GPN3: variants seen among roughly 807,000 people sequenced by gnomAD.
The protein encoded by GPN3 is ATP-binding domain 1 family member C.
Under a neutral mutation model 38.7 loss-of-function variants are expected in GPN3, and 31 were observed. That is an observed-to-expected ratio of 0.80 (90% confidence interval 0.60 to 1.08). GPN3 has a LOEUF of 1.08. Among genes scored for constraint, GPN3 ranks in the 50% least tolerant of loss-of-function variants. The pLI, the probability that GPN3 is intolerant of heterozygous loss-of-function variation, is 0.00. For missense variants in GPN3, 301 were observed against 354.4 expected (o/e 0.85, Z 1.21); for synonymous variants, 116 against 120.2 (o/e 0.96, Z 0.23).
intron 3 of GPN3, 108 bp from the exon 4 acceptor site, chr12:110,457,742 A>AT (rs2062560749): frequency 1.5e-6 from 1 of 688,152 alleles, no homozygotes; most frequent in South Asian, 2.4e-5. Flanking sequence ...AAGCCAACAC[A>AT]TTTTTAAGGG....
At chr12:110,453,909 G>A in intron 6 of GPN3, 38 bp from the exon 7 acceptor site, 2 of 1,547,058 alleles carry the variant, frequency 1.3e-6, no homozygotes, top group Non-Finnish European at 1.8e-6. Flanking sequence ...TCATTCTGAA[G>A]TTGTGCAAAA....
At chr12:110,461,517 T>C (rs2062590195) in intron 2 of GPN3, among the ~76,000 whole-genome samples, 1 of 152,020 alleles carries the variant, frequency 6.6e-6, no homozygotes, top group Non-Finnish European at 1.5e-5. Flanking sequence ...GGAGAATCAC[T>C]TGAACCCAGG....
rs2062567839 is a variant in GPN3 at position 110,458,895 on chromosome 12, C to T, written c.325+800G>A. ...GACAATTGCCTCTTTGTTTATTATG[C>T]TCCAGCCACACTGGCCTTTTCAGTG... On this transcript the variant is annotated intron_variant, in intron 3 of 7. Transcript: ENST00000228827. This position sits in a 1 kb window ranked among gnomAD's most constrained non-coding sequence, Gnocchi z 4.4. 6.6e-6 allele frequency among the ~76,000 whole-genome samples: 1 copy of T among 152,152 alleles called. No individual in the cohort carries two copies. The highest frequency in any genetic ancestry group is 6.6e-5 in the Admixed American group (1 of 15,266).
chr12:110,454,045 C>T (rs1279593552), intron 6 of GPN3, among the ~76,000 whole-genome samples, 174 bp from the exon 7 acceptor site: 1 of 152,190 alleles, frequency 6.6e-6, no homozygotes. Flanking sequence ...ATTGATTTTT[C>T]TGACTTCTGA....
At chr12:110,467,429 T>G (rs1428887839) in intron 1 of GPN3, among the ~76,000 whole-genome samples, 2 of 152,204 alleles carry the variant, frequency 1.3e-5, no homozygotes, top group Non-Finnish European at 2.9e-5. Flanking sequence ...ATATTTGACA[T>G]AACGTGAAAT....
chr12:110,465,720 T>C (rs1592968424), intron 1 of GPN3, among the ~76,000 whole-genome samples: 1 of 152,322 alleles, frequency 6.6e-6, no homozygotes, highest in South Asian at 2.1e-4. Flanking sequence ...TGGAGGTGGC[T>C]ATCAGTTTGT....
At chr12:110,468,403 G>C (rs76781855), upstream of GPN3, 3,839 of 1,529,630 alleles carry the variant, frequency 2.5e-3, 126 homozygotes, top group East Asian at 0.071. Context: ...GGGCGAGGGA[G>C]AGGATTTGCG....
chr12:110,455,810 C>A lies in GPN3; in HGVS notation c.566+5G>T, dbSNP rs776539365. 7 of 1,369,298 alleles carry A rather than the reference C, an allele frequency of 5.1e-6. No homozygotes were observed. The highest frequency in any genetic ancestry group is 7.3e-6 in the Non-Finnish European group (7 of 956,504). 84.8% of individuals were successfully genotyped at this position (1,369,298 alleles called of 1,614,324 possible). On this transcript the variant is annotated splice_donor_5th_base_variant and intron_variant, in intron 5 of 7. Transcript: ENST00000228827. Reference sequence around the variant, plus strand: ...CTGATAATAATGGAAGAACAGTGAACTCACTTCTCAATTTCCTTTTTTGCT... The same window carrying A: ...CTGATAATAATGGAAGAACAGTGAAATCACTTCTCAATTTCCTTTTTTGCT...
Position 110,468,160 on chromosome 12 carries a change from C to T in GPN3, c.44G>A (p.Gly15Glu), listed in dbSNP as rs1340332474. ...AQLVMGPAGS[G>E]KSTYCATMVQ... The stretch of plus-strand genomic sequence containing the variant: ...CTTGTCCCCGCAGATCCTCACCTTC[C>T]CGCTGCCCGCGGGGCCCATGACCAG... Residue 15 changes from glycine to glutamate, a missense_variant, in exon 1 of 8, where the codon GGG becomes GAG. Coordinates refer to ENST00000228827, the MANE Select transcript of GPN3 (RefSeq NM_016301.4). 1 of 1,613,694 alleles carries T rather than the reference C, an allele frequency of 6.2e-7. No individual in the cohort carries two copies. Among genetic ancestry groups the T allele is most frequent in the East Asian group, 2.2e-5 (1 of 44,882 alleles).
At chr12:110,459,926 A>G in intron 2 of GPN3, 64 bp from the exon 3 acceptor site, 1 of 1,311,522 alleles carries the variant, frequency 7.6e-7, no homozygotes, top group Admixed American at 2.1e-5. Context: ...CCTTACTAGA[A>G]ATAGAACATA....
In GPN3 at chr12:110,463,180, G is replaced by C. The variant is rs558116425; in HGVS notation, c.157+1926C>G. ...CATGCCTATTATCCCAGCACTTTCG[G>C]AAGTCAAGCTGGGTGAGTCACTTGA... On this transcript the variant is annotated intron_variant, in intron 2 of 7. Transcript: ENST00000228827. Among the ~76,000 whole-genome samples, 52 of 152,188 alleles carry C rather than the reference G, an allele frequency of 3.4e-4. No homozygotes were observed. In the South Asian group the frequency reaches 0.01, roughly 30 times the overall value.
At chr12:110,455,064 T>TC (rs1425939969) in intron 6 of GPN3, among the ~76,000 whole-genome samples, 1 of 151,200 alleles carries the variant, frequency 6.6e-6, no homozygotes, top group Non-Finnish European at 1.5e-5. Context: ...CCTCAGGTGA[T>TC]CCACCCACCT....
chr12:110,453,322 C>T (rs2062526684), intron 7 of GPN3, among the ~76,000 whole-genome samples: 1 of 152,096 alleles, frequency 6.6e-6, no homozygotes, highest in Non-Finnish European at 1.5e-5. Flanking sequence ...AAGCATTTCT[C>T]ATTTGAATTT....
chr12:110,468,109 C>T (rs765354813), intron 1 of GPN3, 47 bp downstream of exon 1: 24 of 1,613,960 alleles, frequency 1.5e-5, no homozygotes, highest in Non-Finnish European at 2.0e-5. Flanking sequence ...AATCTCCCGC[C>T]TTCCACGAAC....
intron 2 of GPN3, among the ~76,000 whole-genome samples, chr12:110,463,061 G>A (rs533375079): frequency 5.3e-4 from 81 of 152,246 alleles, no homozygotes; most frequent in African/African-American, 1.9e-3. Context: ...CAGCCATGCA[G>A]GTTGTACTTC....
upstream of GPN3, chr12:110,468,337 C>T: frequency 2.6e-6 from 4 of 1,545,390 alleles, no homozygotes; most frequent in South Asian, 4.7e-5. Flanking sequence ...CCTCCTACTA[C>T]GGGGCAGCCC....
At chr12:110,468,619 T>G, upstream of GPN3, 1 of 1,537,196 alleles carries the variant, frequency 6.5e-7, no homozygotes, top group Non-Finnish European at 8.7e-7. Flanking sequence ...GGAAGGCACC[T>G]CTTGTTTTGG....
intron 1 of GPN3, among the ~76,000 whole-genome samples, chr12:110,467,502 A>G (rs2062641289): frequency 6.6e-6 from 1 of 152,218 alleles, no homozygotes; most frequent in Non-Finnish European, 1.5e-5. Context: ...GGTGCCTATT[A>G]AAAGCTCTGA....
intron 4 of GPN3, among the ~76,000 whole-genome samples, chr12:110,456,766 T>C (rs2062553052): frequency 1.3e-5 from 2 of 151,830 alleles, no homozygotes; most frequent in South Asian, 2.1e-4. Flanking sequence ...TTGGCGATCT[T>C]GGCTCACTGC....
Sources: gnomAD v4.1 joint callset for allele counts (sites outside exome capture counted in the v4.1 genomes callset) on GRCh38, gnomAD v4.1.1 for gene constraint, Gnocchi (gnomAD v3.1) non-coding constraint, MANE v1.5 for transcripts, NCBI Gene and HGNC (gene_info 2026-07-23, HGNC 2026-07-21) for gene names.